The following SLC68A1 variants were observed in gnomAD, a reference collection of about 807,000 sequenced individuals.
SLC68A1 encodes major facilitator superfamily domain containing 13A.
the SLC68A1 span, chr10:102,472,372 C>G: frequency 3.8e-6 from 1 of 261,832 alleles, no homozygotes; most frequent in South Asian, 3.7e-5. Context: ...AAATGATTCT[C>G]CCACCTCAGC....
chr10:102,476,589 G>A, the SLC68A1 span: 1 of 986,084 alleles, frequency 1.0e-6, no homozygotes, highest in Non-Finnish European at 1.2e-6. Context: ...TCCTGGGGCT[G>A]AGCCAGAAGC....
At chr10:102,472,566 C>T in the SLC68A1 span, among the ~76,000 whole-genome samples, 2 of 152,088 alleles carry the variant, frequency 1.3e-5, no homozygotes, top group African/African-American at 2.4e-5. Context: ...GCCCCTGTGC[C>T]GAGCCTCACT....
the SLC68A1 span, chr10:102,470,703 C>T: frequency 6.2e-7 from 1 of 1,612,548 alleles, no homozygotes; most frequent in Non-Finnish European, 8.5e-7. Flanking sequence ...GTGGTGCTGG[C>T]CCGGGTGCAG....
At chr10:102,475,665 A>G in the SLC68A1 span, 1 of 1,528,190 alleles carries the variant, frequency 6.5e-7, no homozygotes, top group Non-Finnish European at 8.8e-7. Context: ...CTTGGAGGGC[A>G]CCAAGGCTTG....
the SLC68A1 span, chr10:102,470,607 A>C: frequency 6.4e-7 from 1 of 1,566,232 alleles, no homozygotes; most frequent in Admixed American, 1.8e-5. Context: ...GGGCAAGGGG[A>C]ACTTCAGCCT....
chr10:102,470,872 C>T, the SLC68A1 span: 1 of 1,613,296 alleles, frequency 6.2e-7, no homozygotes, highest in Non-Finnish European at 8.5e-7. Flanking sequence ...CCGACCTGGC[C>T]CTCTCAGCCC....
At chr10:102,474,059 C>G in the SLC68A1 span, 1 of 1,514,070 alleles carries the variant, frequency 6.6e-7, no homozygotes, top group Non-Finnish European at 8.9e-7. Flanking sequence ...CCAGGGGGCA[C>G]AGCTTACCTG....
At chr10:102,471,273 C>T in the SLC68A1 span, 1 of 1,613,728 alleles carries the variant, frequency 6.2e-7, no homozygotes, top group Non-Finnish European at 8.5e-7. Flanking sequence ...TGCCCCATAG[C>T]CTGTGTGGAG....
the SLC68A1 span, chr10:102,473,974 C>T: frequency 1.9e-6 from 3 of 1,610,566 alleles, no homozygotes; most frequent in African/African-American, 2.7e-5. Context: ...CAGACCTTTG[C>T]CCCGCTGCTG....
chr10:102,461,655 C>A, the SLC68A1 span, among the ~76,000 whole-genome samples: 2 of 151,098 alleles, frequency 1.3e-5, no homozygotes, highest in Non-Finnish European at 3.0e-5. Flanking sequence ...TTCAAGGGGG[C>A]AAGGGTGGAA....
the SLC68A1 span, among the ~76,000 whole-genome samples, chr10:102,469,631 C>A: frequency 6.6e-6 from 1 of 151,632 alleles, no homozygotes; most frequent in Non-Finnish European, 1.5e-5. Context: ...ACTGCAACCT[C>A]CGCCTTCGTG....
At chr10:102,475,732 C>T in the SLC68A1 span, 1 of 1,601,122 alleles carries the variant, frequency 6.2e-7, no homozygotes, top group Non-Finnish European at 8.5e-7. Context: ...GTCATGACCT[C>T]TTCCAGCAGT....
the SLC68A1 span, among the ~76,000 whole-genome samples, chr10:102,473,154 C>T: frequency 6.6e-6 from 1 of 152,172 alleles, no homozygotes; most frequent in South Asian, 2.1e-4. Context: ...ACACCAAGTG[C>T]TGCCGGGTGC....
the SLC68A1 span, chr10:102,471,086 C>T: frequency 6.2e-7 from 1 of 1,613,796 alleles, no homozygotes; most frequent in African/African-American, 1.3e-5. Flanking sequence ...CCGAAAGGAC[C>T]CAGGGTGCTC....
chr10:102,471,952 A>G, the SLC68A1 span: 12 of 448,590 alleles, frequency 2.7e-5, no homozygotes, highest in African/African-American at 2.2e-4. Flanking sequence ...CTGTAAAGTG[A>G]GGATATGAGA....
chr10:102,472,119 C>T, the SLC68A1 span: 6 of 437,142 alleles, frequency 1.4e-5, no homozygotes, highest in East Asian at 4.4e-4. Flanking sequence ...GTTATGATTG[C>T]ACCACTGCAC....
chr10:102,470,629 C>T, the SLC68A1 span: 2 of 1,586,014 alleles, frequency 1.3e-6, no homozygotes, highest in South Asian at 1.1e-5. Flanking sequence ...CCAAGTCTGA[C>T]ACGGCATCTC....
At chr10:102,475,802 G>A in the SLC68A1 span, 1 of 1,614,016 alleles carries the variant, frequency 6.2e-7, no homozygotes, top group Non-Finnish European at 8.5e-7. Context: ...TCCAGCCCCT[G>A]CACAGGCCCC....
the SLC68A1 span, chr10:102,475,652 AG>A: frequency 3.3e-6 from 5 of 1,509,510 alleles, no homozygotes; most frequent in Non-Finnish European, 2.7e-6. Flanking sequence ...GTCACACCAT[AG>A]ACTTGGAGGG....
Sources: allele counts gnomAD v4.1 joint callset (sites outside exome capture counted in the v4.1 genomes callset), GRCh38; gene constraint gnomAD v4.1.1; transcripts MANE v1.5; gene names NCBI Gene and HGNC (gene_info 2026-07-23, HGNC 2026-07-21).